The following THSD4 variants were observed in gnomAD, a reference collection of about 807,000 sequenced individuals.
THSD4 encodes the protein thrombospondin type 1 domain containing 4, also known as thrombospondin type-1 domain-containing protein 4.
A neutral mutation model predicts 119.0 loss-of-function variants in THSD4; 69 were observed. The observed-to-expected ratio is 0.58, with a 90% CI of 0.48 to 0.71. THSD4 has a LOEUF of 0.71. THSD4 is among the 30% of genes least tolerant of loss of function. The pLI is 0.00. For missense variants in THSD4, 1,393 were observed against 1,391.1 expected, an observed-to-expected ratio of 1.00 and a Z score of -0.02; for synonymous variants, 524 against 540.4, an observed-to-expected ratio of 0.97 and a Z score of 0.42.
At chr15:71,608,178 G>A (rs900035397) in intron 7 of THSD4, among the ~76,000 whole-genome samples, 10 of 145,660 alleles carry the variant, frequency 6.9e-5, no homozygotes, top group Admixed American at 2.1e-4. Flanking sequence ...AGCTGAGATC[G>A]CGCCACTATA....
chr15:71,639,383 AAATGC>A (rs2050811070), intron 7 of THSD4, among the ~76,000 whole-genome samples: 4 of 152,168 alleles, frequency 2.6e-5, no homozygotes, highest in African/African-American at 9.7e-5. Context: ...ATTTGATGTA[AAATGC>A]CCCCATTTGC....
At chr15:71,740,174 C>A (rs779391089) in intron 11 of THSD4, among the ~76,000 whole-genome samples, 40 of 151,502 alleles carry the variant, frequency 2.6e-4, no homozygotes, top group Admixed American at 5.9e-4. Context: ...GGACCAACTT[C>A]TTTTATATAC....
chr15:71,394,948 G>C (rs1250380968), intron 6 of THSD4, among the ~76,000 whole-genome samples: 1 of 152,214 alleles, frequency 6.6e-6, no homozygotes, highest in Non-Finnish European at 1.5e-5. Context: ...GGAGTCGTAG[G>C]TCTGGAGCTC....
chr15:71,728,624 G>GA lies in THSD4; in HGVS notation c.1434dup (p.Gly479ArgfsTer11). 4 of 1,614,202 alleles carry GA rather than the reference G, an allele frequency of 2.5e-6. No homozygotes were observed. The highest frequency in any genetic ancestry group is 3.4e-6 in the Non-Finnish European group (4 of 1,180,040). On this transcript the variant is annotated frameshift_variant, in exon 9 of 18. Coordinates refer to ENST00000261862, the MANE Select transcript of THSD4 (RefSeq NM_024817.3). LOFTEE classifies it high-confidence loss of function. ...GATCGACCAGGAAAATACGAGGGCGGAGGGACCATGTTCACCTACAAGCGT... is the reference window on the plus strand; with the variant it reads ...GATCGACCAGGAAAATACGAGGGCGGAAGGGACCATGTTCACCTACAAGCGT...
At chr15:71,190,895 C>T (rs571415883) in intron 3 of THSD4, among the ~76,000 whole-genome samples, 1 of 152,248 alleles carries the variant, frequency 6.6e-6, no homozygotes, top group Admixed American at 6.5e-5. Flanking sequence ...CATGGTTTTC[C>T]TCTCTGCTCA....
chr15:71,727,943 G>A (rs111751337), intron 8 of THSD4, among the ~76,000 whole-genome samples: 3,429 of 152,190 alleles, frequency 0.023, 62 homozygotes, highest in Middle Eastern at 0.048. Context: ...GCAAATCAGA[G>A]CATATAGGGT....
At chr15:71,442,873 A>G (rs2047129195) in intron 7 of THSD4, among the ~76,000 whole-genome samples, 1 of 150,850 alleles carries the variant, frequency 6.6e-6, no homozygotes, top group Non-Finnish European at 1.5e-5. Context: ...TGATTCTGGC[A>G]GGCATCGTTG....
intron 7 of THSD4, among the ~76,000 whole-genome samples, chr15:71,629,949 C>T (rs558662233): frequency 2.0e-5 from 3 of 152,310 alleles, no homozygotes; most frequent in Admixed American, 1.3e-4. Flanking sequence ...AGCCACGTGG[C>T]CAGGCCCTTG....
At chr15:71,122,750 C>T (rs2141354426) in intron 1 of THSD4, among the ~76,000 whole-genome samples, 1 of 152,296 alleles carries the variant, frequency 6.6e-6, no homozygotes, top group East Asian at 1.9e-4. Context: ...CCATTCCCCA[C>T]CCTCTATCAG....
chr15:71,105,602 A>G (rs756239749), intron 1 of THSD4, among the ~76,000 whole-genome samples: 41 of 152,214 alleles, frequency 2.7e-4, no homozygotes, highest in Non-Finnish European at 4.4e-4. Flanking sequence ...AAGAAAGGAC[A>G]CCTCATGACT....
intron 10 of THSD4, among the ~76,000 whole-genome samples, chr15:71,737,051 C>A (rs578203338): frequency 3.9e-4 from 60 of 152,372 alleles, no homozygotes; most frequent in African/African-American, 1.4e-3. Context: ...TCAAAACTCA[C>A]ATAGTATTCC....
At chr15:71,384,021 T>G (rs531322183) in intron 6 of THSD4, among the ~76,000 whole-genome samples, 2 of 152,308 alleles carry the variant, frequency 1.3e-5, no homozygotes, top group African/African-American at 4.8e-5. Flanking sequence ...TCTTTGCAAC[T>G]TAGCTTCTGT....
intron 7 of THSD4, among the ~76,000 whole-genome samples, chr15:71,554,370 C>T (rs143256697): frequency 0.025 from 3,866 of 151,778 alleles, 78 homozygotes; most frequent in Non-Finnish European, 0.042. Flanking sequence ...GCTGAGATTA[C>T]AGGCGTGAGA....
At chr15:71,423,836 G>A (rs2046837788) in intron 7 of THSD4, among the ~76,000 whole-genome samples, 1 of 152,154 alleles carries the variant, frequency 6.6e-6, no homozygotes, top group African/African-American at 2.4e-5. Flanking sequence ...GGCAAGCCTT[G>A]CCATAACTCA....
At chr15:71,265,753 G>T (rs907006873) in intron 6 of THSD4, among the ~76,000 whole-genome samples, 1 of 152,166 alleles carries the variant, frequency 6.6e-6, no homozygotes, top group Non-Finnish European at 1.5e-5. Flanking sequence ...GACCTTAGAC[G>T]CTTGAGCTTT....
intron 3 of THSD4, among the ~76,000 whole-genome samples, chr15:71,162,666 G>A (rs1049602802): frequency 1.3e-5 from 2 of 152,034 alleles, no homozygotes; most frequent in Admixed American, 1.3e-4. Flanking sequence ...GTGGATGTCT[G>A]TATCTCTCCC....
intron 8 of THSD4, among the ~76,000 whole-genome samples, chr15:71,720,041 T>TTC (rs1369287756): frequency 2.1e-5 from 3 of 145,724 alleles, no homozygotes; most frequent in Non-Finnish European, 4.5e-5. Flanking sequence ...TTTTTCTTTT[T>TTC]TTTTTTTTTT....
chr15:71,459,346 G>GTC lies in THSD4; in HGVS notation c.1152+47539_1152+47540dup, dbSNP rs57397281. On this transcript the variant is annotated intron_variant, in intron 7 of 17. Transcript: ENST00000261862. The stretch of plus-strand genomic sequence containing the variant: ...ACTATCTCTCTCTCTCTGTCTCTCT[G>GTC]TCTCTCTCTCTCTCTCTGTCTCTCT... 3.2e-3 allele frequency among the ~76,000 whole-genome samples: 390 copies of GTC among 121,042 alleles called. 1 individual carries two copies. The highest frequency in any genetic ancestry group is 4.9e-3 in the Non-Finnish European group (271 of 55,780). The allele number at this position is 121,042 out of a possible 152,430, so 79.4% of individuals were successfully genotyped here. A position where few individuals can be genotyped will look rare whatever the true frequency, so the allele number is the denominator to read the frequency against.
At chr15:71,505,690 C>G (rs1049815919) in intron 7 of THSD4, among the ~76,000 whole-genome samples, 1 of 152,128 alleles carries the variant, frequency 6.6e-6, no homozygotes, top group Admixed American at 6.5e-5. Flanking sequence ...AAATAAGCTT[C>G]AAATAGGTAA....
Sources: allele counts gnomAD v4.1 joint callset (sites outside exome capture counted in the v4.1 genomes callset), GRCh38; gene constraint gnomAD v4.1.1; transcripts MANE v1.5; gene names NCBI Gene and HGNC (gene_info 2026-07-23, HGNC 2026-07-21).